SOX6: variants seen among roughly 807,000 people sequenced by gnomAD.
SOX6 encodes SRY-box transcription factor 6.
SOX6 carries 11 observed loss-of-function variants against 97.8 expected under a neutral mutation model. The ratio of observed to expected loss-of-function variants is 0.11; its 90% CI spans 0.07 to 0.19. SOX6 has a LOEUF of 0.19. Ranked by LOEUF, SOX6 falls within the 10% of genes least tolerant of loss-of-function variation. The pLI is 1.00. For synonymous variants in SOX6, 360 were observed against 371.4 expected, an observed-to-expected ratio of 0.97 and a Z score of 0.35; for missense variants, 810 against 1,039.5, an observed-to-expected ratio of 0.78 and a Z score of 3.04.
At chr11:16,413,327 G>A (rs1326630272) in intron 1 of SOX6, among the ~76,000 whole-genome samples, 1 of 151,846 alleles carries the variant, frequency 6.6e-6, no homozygotes, top group African/African-American at 2.4e-5. Context: ...TCCCCTTTAA[G>A]TCTAAATTCT....
intron 4 of SOX6, among the ~76,000 whole-genome samples, chr11:16,609,383 TC>T (rs1848371742): frequency 2.0e-5 from 3 of 152,112 alleles, no homozygotes; most frequent in Non-Finnish European, 4.4e-5. Context: ...GAAGGAGAGA[TC>T]CTTACTGTAT....
chr11:16,121,013 CCTTTCCTTTGTGTTAACATCT>C (rs1849477170), intron 6 of SOX6, among the ~76,000 whole-genome samples: 1 of 152,082 alleles, frequency 6.6e-6, no homozygotes, highest in Non-Finnish European at 1.5e-5. Flanking sequence ...AAGGGCCAAT[CCTTTCCTTTGTGTTAACATCT>C]CTTTTTATAT....
chr11:15,986,293 G>A lies in SOX6; in HGVS notation c.2094C>T (p.Cys698=). The change falls in exon 15 of 16, where the codon TGC becomes TGT. Residue 698 remains cysteine, a synonymous_variant. Transcript: ENST00000683767. ...TCCGAAGCTTTTTGCCATCAACAAT[G>A]CAGGTGCGTTTCGGTCGGGGTTTGT... ...YKYKPRPKRT[C]IVDGKKLRIG... is the part of the protein sequence containing the mutation. 5 of 1,614,072 alleles carry A rather than the reference G, an allele frequency of 3.1e-6. No individual in the cohort carries two copies. In the Admixed American group the frequency reaches 5.0e-5, roughly 16 times the overall value.
chr11:16,701,683 C>T (rs1369554324), intron 3 of SOX6, among the ~76,000 whole-genome samples: 1 of 151,012 alleles, frequency 6.6e-6, no homozygotes, highest in African/African-American at 2.4e-5. Context: ...GGTGAAACCC[C>T]GTCTCCACTA....
At chr11:16,573,800 T>G (rs1847959287) in intron 4 of SOX6, among the ~76,000 whole-genome samples, 1 of 152,206 alleles carries the variant, frequency 6.6e-6, no homozygotes, top group Non-Finnish European at 1.5e-5. Flanking sequence ...TGTCTTTTAG[T>G]GTTACCTGTT....
chr11:16,233,823 C>T (rs1209443090), intron 4 of SOX6, among the ~76,000 whole-genome samples: 2 of 151,750 alleles, frequency 1.3e-5, no homozygotes, highest in African/African-American at 4.8e-5. Flanking sequence ...TCCTGGTCAG[C>T]CTGGTGAAAC....
intron 3 of SOX6, among the ~76,000 whole-genome samples, chr11:16,289,027 G>A (rs1243870393): frequency 6.6e-6 from 1 of 151,680 alleles, no homozygotes; most frequent in Non-Finnish European, 1.5e-5. Flanking sequence ...CTGGGCACAA[G>A]ATGTCCTCAT....
intron 12 of SOX6, among the ~76,000 whole-genome samples, chr11:16,031,184 T>A (rs1244406515): frequency 6.6e-6 from 1 of 152,188 alleles, no homozygotes; most frequent in Non-Finnish European, 1.5e-5. Flanking sequence ...AGCTTTAACA[T>A]CAAGACTAAA....
At chr11:16,040,710 A>G (rs1306552488) in intron 12 of SOX6, among the ~76,000 whole-genome samples, 4 of 152,028 alleles carry the variant, frequency 2.6e-5, no homozygotes, top group Non-Finnish European at 5.9e-5. Flanking sequence ...TTGCGCTATC[A>G]ATCTCACAGA....
At chr11:16,705,724 A>AG in intron 3 of SOX6, among the ~76,000 whole-genome samples, 1 of 152,340 alleles carries the variant, frequency 6.6e-6, no homozygotes, top group Middle Eastern at 3.4e-3. Flanking sequence ...CTTATATAGA[A>AG]GCAAAGTTTT....
chr11:16,332,757 G>A (rs983022111), intron 2 of SOX6, among the ~76,000 whole-genome samples: 7 of 151,952 alleles, frequency 4.6e-5, no homozygotes, highest in South Asian at 4.2e-4. Context: ...AATGCCTAGG[G>A]GTCAAGAGAA....
upstream of SOX6, among the ~76,000 whole-genome samples, chr11:16,481,092 C>T (rs1460159308): frequency 1.3e-5 from 2 of 151,986 alleles, no homozygotes; most frequent in Non-Finnish European, 1.5e-5. Context: ...ATTGCTATTT[C>T]CTCCAAAGCT....
rs141358979 is a variant in SOX6 at position 16,400,991 on chromosome 11, A to G, written c.-4-59739T>C. Among the ~76,000 whole-genome samples, 119 of 151,580 alleles carry G rather than the reference A, an allele frequency of 7.9e-4. 1 individual carries two copies. In the East Asian group the frequency reaches 0.019, roughly 24 times the overall value. ...TTATAGTCCATATTTGTTTTGTGATATCTGTGTTTGCATAAAGCACAAATT... is the reference window on the plus strand; with the variant it reads ...TTATAGTCCATATTTGTTTTGTGATGTCTGTGTTTGCATAAAGCACAAATT... On this transcript the variant is annotated intron_variant, in intron 1 of 15. Transcript: ENST00000396356.
chr11:16,583,622 TATATATATATATATAC>T (rs1848058443), intron 4 of SOX6, among the ~76,000 whole-genome samples: 2 of 116,580 alleles, frequency 1.7e-5, no homozygotes, highest in Non-Finnish European at 4.0e-5. Context: ...TACATATATA[TATATATATATATATAC>T]ACATACACAC....
intron 4 of SOX6, among the ~76,000 whole-genome samples, chr11:16,195,616 G>A (rs1380063041): frequency 1.3e-5 from 2 of 152,176 alleles, no homozygotes; most frequent in African/African-American, 4.8e-5. Context: ...TAAGTGACAT[G>A]TCTGAATTAC....
At chr11:16,431,901 A>G (rs757315246) in intron 1 of SOX6, among the ~76,000 whole-genome samples, 2 of 152,200 alleles carry the variant, frequency 1.3e-5, no homozygotes, top group African/African-American at 2.4e-5. Flanking sequence ...CATTTCCCAC[A>G]TTCCGGTAAT....
At chr11:16,653,662 A>G (rs1303830287) in intron 3 of SOX6, among the ~76,000 whole-genome samples, 1 of 152,174 alleles carries the variant, frequency 6.6e-6, no homozygotes, top group African/African-American at 2.4e-5. Flanking sequence ...ACTACACATT[A>G]GGTACAGTGT....
intron 4 of SOX6, among the ~76,000 whole-genome samples, chr11:16,497,183 T>C (rs1319429663): frequency 6.6e-6 from 1 of 152,186 alleles, no homozygotes; most frequent in Non-Finnish European, 1.5e-5. Context: ...CTGCAGCCTC[T>C]GTTGCTGATA....
chr11:16,146,807 C>T (rs1323148003), intron 6 of SOX6, among the ~76,000 whole-genome samples: 1 of 152,132 alleles, frequency 6.6e-6, no homozygotes, highest in African/African-American at 2.4e-5. Flanking sequence ...AGTGAGATAC[C>T]ATCTCACACC....
Sources: allele counts gnomAD v4.1 joint callset (sites outside exome capture counted in the v4.1 genomes callset), GRCh38; gene constraint gnomAD v4.1.1; transcripts MANE v1.5; gene names NCBI Gene and HGNC (gene_info 2026-07-23, HGNC 2026-07-21).